The following MYO5A variants were observed in gnomAD, a reference collection of about 807,000 sequenced individuals.
MYO5A encodes the protein unconventional myosin-Va.
MYO5A carries 98 observed loss-of-function variants against 249.7 expected under a neutral mutation model. The ratio of observed to expected loss-of-function variants is 0.39; its 90% CI spans 0.33 to 0.46. The LOEUF (loss-of-function observed/expected upper bound fraction) is 0.46, where lower values mean the gene tolerates loss of function less well. Among genes scored for constraint, MYO5A ranks in the 20% least tolerant of loss-of-function variants. The pLI, the probability that MYO5A is intolerant of heterozygous loss-of-function variation, is 0.98. For missense variants in MYO5A, 1,696 were observed against 2,308.8 expected, an observed-to-expected ratio of 0.73 and a Z score of 5.44; for synonymous variants, 778 against 810.6, an observed-to-expected ratio of 0.96 and a Z score of 0.68.
chr15:52,315,263 T>C (rs2037941927), intron 40 of MYO5A, among the ~76,000 whole-genome samples: 2 of 152,230 alleles, frequency 1.3e-5, no homozygotes, highest in Admixed American at 1.3e-4. Context: ...CTTTCCACAC[T>C]TGCAGAAACT....
intron 25 of MYO5A, among the ~76,000 whole-genome samples, chr15:52,354,316 G>A (rs549160961): frequency 2.0e-5 from 3 of 152,188 alleles, no homozygotes; most frequent in African/African-American, 4.8e-5. Flanking sequence ...CCTTTGAAAC[G>A]GGCAATTTTG....
chr15:52,512,055 C>A (rs897472460), intron 1 of MYO5A, among the ~76,000 whole-genome samples: 2 of 151,260 alleles, frequency 1.3e-5, no homozygotes, highest in East Asian at 1.9e-4. Flanking sequence ...CCCAGCCGTT[C>A]GTGAGGCTGA....
intron 40 of MYO5A, 34 bp from the exon 41 acceptor site, chr15:52,314,237 T>G: frequency 6.9e-7 from 1 of 1,440,534 alleles, no homozygotes; most frequent in Non-Finnish European, 9.8e-7. Context: ...GTTTTTGGCA[T>G]ATTATCAAAT....
At chr15:52,523,598 C>A (rs545761086) in intron 1 of MYO5A, among the ~76,000 whole-genome samples, 1 of 152,232 alleles carries the variant, frequency 6.6e-6, no homozygotes, top group African/African-American at 2.4e-5. Flanking sequence ...ATGTTTGGGA[C>A]ATTAAGACAG....
chr15:52,408,190 G>T, intron 6 of MYO5A, 50 bp from the exon 7 acceptor site: 3 of 1,064,206 alleles, frequency 2.8e-6, no homozygotes, highest in Non-Finnish European at 4.4e-6. Flanking sequence ...CTAAAATTCA[G>T]GGAATTCTAT....
chr15:52,346,745 C>T lies in MYO5A; in HGVS notation c.3859-284G>A, dbSNP rs2039652117. ...CCTGTAAATAAAATCACTGATGGGC[C>T]ATATATGTGTTTTACATTATGTGAA... On this transcript the variant is annotated intron_variant, in intron 29 of 41. Coordinates refer to ENST00000399233, the MANE Select transcript of MYO5A (RefSeq NM_001382347.1). 6.8e-6 allele frequency: 3 copies of T among 443,800 alleles called. No individual in the cohort carries two copies. In the Admixed American group the frequency reaches 9.7e-5, roughly 14 times the overall value. The allele number at this position is 443,800 out of a possible 1,614,324, so 27.5% of individuals were successfully genotyped here. A position where few individuals can be genotyped will look rare whatever the true frequency, so the allele number is the denominator to read the frequency against.
intron 15 of MYO5A, among the ~76,000 whole-genome samples, chr15:52,383,550 G>C (rs1225079914): frequency 6.6e-6 from 1 of 152,204 alleles, no homozygotes; most frequent in Admixed American, 6.5e-5. Flanking sequence ...GAAGATACTG[G>C]AAAACGTAGC....
At chr15:52,422,867 C>T (rs1367763647) in intron 4 of MYO5A, among the ~76,000 whole-genome samples, 1 of 152,122 alleles carries the variant, frequency 6.6e-6, no homozygotes. Flanking sequence ...AAGGCACAGG[C>T]CACCATGCCT....
chr15:52,318,456 C>CAA (rs35901511), intron 39 of MYO5A, among the ~76,000 whole-genome samples: 2,904 of 84,274 alleles, frequency 0.034, 88 homozygotes, highest in East Asian at 0.04. Flanking sequence ...AACTCCATCT[C>CAA]AAAAAAAAAA....
rs531130490 is a variant in MYO5A at position 52,512,281 on chromosome 15, C to A, written c.27+16499G>T. On this transcript the variant is annotated intron_variant, in intron 1 of 41. Coordinates refer to ENST00000399233, the MANE Select transcript of MYO5A (RefSeq NM_001382347.1). ...ATTAATTAATGACTACAATTTATTT[C>A]TTTGTAAACAAACACACAAAGGCTT... is the stretch of plus-strand genomic sequence containing the variant. Among the ~76,000 whole-genome samples, 4 of 151,402 alleles carry A rather than the reference C, an allele frequency of 2.6e-5. No homozygotes were observed. In the East Asian group the frequency reaches 7.8e-4, roughly 29 times the overall value.
intron 25 of MYO5A, among the ~76,000 whole-genome samples, chr15:52,355,701 T>C (rs2040184758): frequency 6.6e-6 from 1 of 152,204 alleles, no homozygotes; most frequent in African/African-American, 2.4e-5. Flanking sequence ...TTACATAGCT[T>C]GTCTTAGGTA....
intron 1 of MYO5A, among the ~76,000 whole-genome samples, chr15:52,473,372 T>C (rs1170685329): frequency 6.6e-6 from 1 of 152,234 alleles, no homozygotes; most frequent in East Asian, 1.9e-4. Context: ...GTAGTTTCTT[T>C]TGCTGTGCAG....
At chr15:52,457,313 C>T (rs2076137834) in intron 1 of MYO5A, among the ~76,000 whole-genome samples, 1 of 151,548 alleles carries the variant, frequency 6.6e-6, no homozygotes, top group African/African-American at 2.4e-5. Context: ...GTGGTGTAGT[C>T]CCAGCTACTT....
At chr15:52,347,266 A>G (rs1351652012) in intron 29 of MYO5A, among the ~76,000 whole-genome samples, 2 of 152,212 alleles carry the variant, frequency 1.3e-5, no homozygotes, top group African/African-American at 4.8e-5. Flanking sequence ...GCAAACCACA[A>G]TGGAACATAG....
rs1566862521 is a variant in MYO5A at position 52,504,062 on chromosome 15, T to TC, written c.27+24717_27+24718insG. Among the ~76,000 whole-genome samples, 65 of 151,742 alleles carry TC rather than the reference T, an allele frequency of 4.3e-4. 1 individual carries two copies. Among genetic ancestry groups the TC allele is most frequent in the Admixed American group, 7.9e-4 (12 of 15,256 alleles). ...TGCTGCTGTTTCTCCTTCTTTTTTT[T>TC]TTTTTTTTTTTGCCTTTTTAAATAT... On this transcript the variant is annotated intron_variant, in intron 1 of 41. Transcript: ENST00000399233.
intron 1 of MYO5A, among the ~76,000 whole-genome samples, chr15:52,478,725 A>G (rs958226982): frequency 5.9e-5 from 9 of 152,210 alleles, no homozygotes; most frequent in African/African-American, 2.2e-4. Flanking sequence ...GAAGCGTGAG[A>G]TCACTTTTTG....
chr15:52,521,446 G>T (rs553873562), intron 1 of MYO5A, among the ~76,000 whole-genome samples: 116 of 152,234 alleles, frequency 7.6e-4, no homozygotes, highest in African/African-American at 2.4e-3. Context: ...TTTTGTATAT[G>T]TGACAAAAGA....
At chr15:52,498,248 G>A (rs1256086762) in intron 1 of MYO5A, among the ~76,000 whole-genome samples, 1 of 152,060 alleles carries the variant, frequency 6.6e-6, no homozygotes, top group Non-Finnish European at 1.5e-5. Context: ...GGACATCTAC[G>A]TTATCTCCAC....
chr15:52,518,435 T>C (rs983081455), intron 1 of MYO5A, among the ~76,000 whole-genome samples: 2 of 152,208 alleles, frequency 1.3e-5, no homozygotes, highest in Non-Finnish European at 2.9e-5. Context: ...GAAATACACA[T>C]TCCGACTTTA....
Sources: allele counts gnomAD v4.1 joint callset (sites outside exome capture counted in the v4.1 genomes callset), GRCh38; gene constraint gnomAD v4.1.1; transcripts MANE v1.5; gene names NCBI Gene and HGNC (gene_info 2026-07-23, HGNC 2026-07-21).